KRT76: variants seen among roughly 807,000 people sequenced by gnomAD.
KRT76 encodes the protein keratin, type II cytoskeletal 2 oral.
KRT76 carries 47 observed loss-of-function variants against 44.9 expected under a neutral mutation model. The observed-to-expected ratio is 1.05, with a 90% CI of 0.83 to 1.33. The LOEUF (loss-of-function observed/expected upper bound fraction) is 1.33. Among genes scored for constraint, KRT76 ranks in the 40% most tolerant of loss-of-function variants. The pLI, the probability that KRT76 is intolerant of heterozygous loss-of-function variation, is 0.00. For missense variants in KRT76, 860 were observed against 775.8 expected (o/e 1.11, Z -1.29); for synonymous variants, 331 against 294.1 (o/e 1.13, Z -1.28).
At chr12:52,770,599 T>C (rs1274762655) in intron 7 of KRT76, among the ~76,000 whole-genome samples, 2 of 152,152 alleles carry the variant, frequency 1.3e-5, no homozygotes, top group African/African-American at 2.4e-5. Context: ...AATGTAAAAC[T>C]GTGTTTCTCG....
chr12:52,770,585 A>T (rs926851197), intron 7 of KRT76, among the ~76,000 whole-genome samples: 1 of 152,204 alleles, frequency 6.6e-6, no homozygotes, highest in Non-Finnish European at 1.5e-5. Flanking sequence ...TTAAAATTAA[A>T]TTAAATGTAA....
At chr12:52,776,655 C>A (rs774521880) in intron 1 of KRT76, 37 bp downstream of exon 1, 14 of 1,613,270 alleles carry the variant, frequency 8.7e-6, no homozygotes, top group Admixed American at 5.0e-5. Flanking sequence ...CCTGGGCACC[C>A]CAAACCCTCC....
chr12:52,771,535 T>C (rs573538177), intron 6 of KRT76, among the ~76,000 whole-genome samples: 1 of 152,296 alleles, frequency 6.6e-6, no homozygotes. Flanking sequence ...TTCATTCCAA[T>C]GATACAGAGC....
chr12:52,771,068 A>G lies in KRT76; in HGVS notation c.1415T>C (p.Met472Thr), dbSNP rs1459276378. 2 of 1,614,070 alleles carry G rather than the reference A, an allele frequency of 1.2e-6. No individual in the cohort carries two copies. The highest frequency in any genetic ancestry group is 1.7e-6 in the Non-Finnish European group (2 of 1,180,010). The change falls in exon 7 of 9, where the codon ATG (methionine) becomes ACG (threonine). Residue 472 changes from methionine to threonine, a missense_variant. Transcript: ENST00000332411. ...ARLLRDYQEL[M>T]NVKLALDVEI... ...CACATCCAGGGCCAGCTTGACGTTC[A>G]TCAGCTCCTGGTAGTCACGCAGGAG...
At chr12:52,775,069 A>G (rs1469156474) in intron 2 of KRT76, among the ~76,000 whole-genome samples, 1 of 152,226 alleles carries the variant, frequency 6.6e-6, no homozygotes, top group East Asian at 1.9e-4. Context: ...ATTGTTGACA[A>G]GCATCCAAGG....
At chr12:52,769,779 T>C (rs1939151493) in intron 7 of KRT76, among the ~76,000 whole-genome samples, 196 bp from the exon 8 acceptor site, 1 of 152,304 alleles carries the variant, frequency 6.6e-6, no homozygotes, top group Non-Finnish European at 1.5e-5. Context: ...GAGTTGAGAA[T>C]TCCCACACTT....
chr12:52,774,619 A>G lies in KRT76; in HGVS notation c.815+769T>C, dbSNP rs1939232606. Among the ~76,000 whole-genome samples, 4 of 152,066 alleles carry G rather than the reference A, an allele frequency of 2.6e-5. No individual in the cohort carries two copies. The East Asian group carries it at 7.7e-4, about 29-fold the overall frequency. The stretch of plus-strand genomic sequence containing the variant: ...AGGACCTCTTTTTTTCCTCTAGGAG[A>G]AAAGAGGTCTCTGGGATCTCTTTTG... On this transcript the variant is annotated intron_variant, in intron 2 of 8. Transcript: ENST00000332411.
intron 8 of KRT76, 107 bp from the exon 9 acceptor site, chr12:52,769,217 C>A: frequency 1.6e-6 from 1 of 615,642 alleles, no homozygotes; most frequent in South Asian, 2.0e-5. Flanking sequence ...GAGAAAGATG[C>A]TAACTTATCT....
At position 52,772,166 on chromosome 12, in the gene KRT76, G is replaced by A. The variant is rs201617130; in HGVS notation, c.1065C>T (p.Ala355=). The A allele has an allele frequency of 7.1e-5, 114 of 1,613,658 alleles. No homozygotes were observed. The South Asian group carries it at 9.6e-4, about 14-fold the overall frequency. ...TCTCCTCATACTGGGCGCGGACCTCGGCAATGATGCTGCCCAGGTCCAGGC... is the reference window on the plus strand; with the variant it reads ...TCTCCTCATACTGGGCGCGGACCTCAGCAATGATGCTGCCCAGGTCCAGGC... ...NRCLDLGSII[A]EVRAQYEEIA... The change falls in exon 5 of 9, where the codon GCC becomes GCT. Residue 355 remains alanine, a synonymous_variant. Transcript: ENST00000332411.
At chr12:52,769,247 C>T in intron 8 of KRT76, 137 bp from the exon 9 acceptor site, 1 of 611,086 alleles carries the variant, frequency 1.6e-6, no homozygotes, top group Non-Finnish European at 3.0e-6. Flanking sequence ...GTTTGCAAAC[C>T]ATGAGAGTGA....
chr12:52,770,151 T>C (rs116958129), intron 7 of KRT76, among the ~76,000 whole-genome samples: 1 of 152,304 alleles, frequency 6.6e-6, no homozygotes, highest in East Asian at 1.9e-4. Flanking sequence ...TCTGAGAAGA[T>C]ATGGATTGGG....
At chr12:52,775,077 A>G (rs192882561) in intron 2 of KRT76, among the ~76,000 whole-genome samples, 29 of 152,298 alleles carry the variant, frequency 1.9e-4, no homozygotes, top group Admixed American at 1.2e-3. Context: ...CAAGCATCCA[A>G]GGTGATTCCT....
chr12:52,774,700 C>T (rs1468110946), intron 2 of KRT76, among the ~76,000 whole-genome samples: 2 of 152,206 alleles, frequency 1.3e-5, no homozygotes, highest in South Asian at 2.1e-4. Flanking sequence ...GAGCCTGCCA[C>T]AGAGTGGGTG....
chr12:52,771,006 C>A lies in KRT76; in HGVS notation c.1477G>T (p.Glu493Ter), dbSNP rs150783346. 2.5e-5 allele frequency: 41 copies of A among 1,614,076 alleles called. No homozygotes were observed. Among genetic ancestry groups the A allele is most frequent in the Non-Finnish European group, 3.4e-5 (40 of 1,180,062 alleles). Residue 493 changes from glutamate to a stop codon, truncating the protein, a stop_gained, in exon 7 of 9, where the codon GAG (glutamate) becomes TAG (stop). Coordinates refer to ENST00000332411, the MANE Select transcript of KRT76 (RefSeq NM_015848.4). LOFTEE classifies it low-confidence loss of function (END_TRUNC). ...ATYRKLLEGE[E>*]CRMSGECQSA... is the part of the protein sequence containing the mutation. ...GATCCCATGGCCCCTCACCTGCACT[C>A]CTCTCCCTCCAGCAGCTTGCGGTAG...
At position 52,777,063 on chromosome 12, in the gene KRT76, G is replaced by T. The variant is rs61730593; in HGVS notation, c.229C>A (p.Arg77=). ...ISISVAAGSS[R]AGGFGGGRSS... ...CGCCCTCCCCCAAAGCCTCCAGCCC[G>T]GGAGCTGCCAGCTGCCACGCTGATG... Residue 77 remains arginine, a synonymous_variant, in exon 1 of 9, where the codon CGG becomes AGG. Transcript: ENST00000332411. 3.1e-6 allele frequency: 5 copies of T among 1,614,098 alleles called. No homozygotes were observed. The South Asian group carries it at 5.5e-5, about 18-fold the overall frequency.
chr12:52,770,197 G>C (rs914178988), intron 7 of KRT76, among the ~76,000 whole-genome samples: 2 of 152,276 alleles, frequency 1.3e-5, no homozygotes, highest in Admixed American at 1.3e-4. Flanking sequence ...CACTGGTGTT[G>C]ACCATTCCCT....
intron 7 of KRT76, among the ~76,000 whole-genome samples, chr12:52,770,753 C>A (rs6580903): frequency 0.95 from 145,124 of 152,244 alleles, 69,586 homozygotes; most frequent in Non-Finnish European, 0.99. Context: ...GAACTTTCCT[C>A]ATACATTGCA....
At chr12:52,772,613 A>G (rs545420100) in intron 4 of KRT76, among the ~76,000 whole-genome samples, 170 bp downstream of exon 4, 60 of 152,320 alleles carry the variant, frequency 3.9e-4, no homozygotes, top group African/African-American at 1.3e-3. Flanking sequence ...CCTGTGGGCC[A>G]GGTCTATGCA....
rs370921180 is a variant in KRT76, at chr12:52,772,410, T to C, written c.973-152A>G. 566 of 692,516 alleles carry C rather than the reference T, an allele frequency of 8.2e-4. 9 individuals are homozygous for C. The South Asian group carries it at 0.012, about 15-fold the overall frequency. The allele number at this position is 692,516 out of a possible 1,614,324, so 42.9% of individuals were successfully genotyped here. A position where few individuals can be genotyped will look rare whatever the true frequency, so the allele number is the denominator to read the frequency against. On this transcript the variant is annotated intron_variant, in intron 4 of 8. Transcript: ENST00000332411. ...TTAGGCCTGGCTACAGCCTAAAGGATGTTAGACAACAAGGCTAAAGGAAAT... is the reference window on the plus strand; with the variant it reads ...TTAGGCCTGGCTACAGCCTAAAGGACGTTAGACAACAAGGCTAAAGGAAAT...
Sources: allele counts gnomAD v4.1 joint callset (sites outside exome capture counted in the v4.1 genomes callset), GRCh38; gene constraint gnomAD v4.1.1; transcripts MANE v1.5; gene names NCBI Gene and HGNC (gene_info 2026-07-23, HGNC 2026-07-21).